The following GASK1A variants were observed in gnomAD, a reference collection of about 807,000 sequenced individuals.
GASK1A encodes golgi associated kinase 1A.
A neutral mutation model predicts 41.2 loss-of-function variants in GASK1A; 40 were observed. The observed-to-expected ratio is 0.97, with a 90% CI of 0.75 to 1.27. The LOEUF is 1.27. Among genes scored for constraint, GASK1A ranks in the 50% most tolerant of loss-of-function variants. The pLI, the probability that GASK1A is intolerant of heterozygous loss-of-function variation, is 0.00. For synonymous variants in GASK1A, 316 were observed against 307.1 expected (o/e 1.03, Z -0.30); for missense variants, 678 against 745.1 (o/e 0.91, Z 1.05).
chr3:43,023,653 A>C (rs1249401362), intron 1 of GASK1A, among the ~76,000 whole-genome samples: 1 of 152,206 alleles, frequency 6.6e-6, no homozygotes, highest in African/African-American at 2.4e-5. Context: ...TAAAATAGCA[A>C]TATAGACCAA....
chr3:43,033,501 G>A lies in GASK1A; in HGVS notation c.1238G>A (p.Gly413Asp). 1 of 1,549,470 alleles carries A rather than the reference G, an allele frequency of 6.5e-7. No homozygotes were observed. Among genetic ancestry groups the A allele is most frequent in the African/African-American group, 1.4e-5 (1 of 73,180 alleles). ...TGGCCAGGCCAGGCCCCGTGCCCGG[G>A]CATCCACCATACCGAGTGGGCACGC... ...CNWPGQAPCP[G>D]IHHTEWARLA... is the part of the protein sequence containing the mutation. The change falls in exon 2 of 5, where the codon GGC becomes GAC. Residue 413 changes from glycine to aspartate, a missense_variant. By Grantham distance (94) the Gly-to-Asp change is moderately conservative (BLOSUM62 -1). Transcript: ENST00000430121.
In GASK1A at chr3:43,009,520, A is replaced by G. The variant is rs570305845; in HGVS notation, c.4-22747A>G. ...GTGCTGGGAAGGGCTTGGTCTCTGC[A>G]GGCTGGAGGCCAGAGTTGGAATCTC... On this transcript the variant is annotated intron_variant, in intron 1 of 4. Transcript: ENST00000430121. 2.0e-5 allele frequency among the ~76,000 whole-genome samples: 3 copies of G among 152,346 alleles called. No homozygotes were observed. In the South Asian group the frequency reaches 6.2e-4, roughly 32 times the overall value.
chr3:42,997,343 G>C (rs1291276610), intron 1 of GASK1A, among the ~76,000 whole-genome samples: 1 of 151,338 alleles, frequency 6.6e-6, no homozygotes, highest in Non-Finnish European at 1.5e-5. Flanking sequence ...CCTGCTCTTC[G>C]GAGCTCCCTT....
intron 1 of GASK1A, among the ~76,000 whole-genome samples, chr3:43,023,401 A>G (rs1233495063): frequency 6.6e-6 from 1 of 152,206 alleles, no homozygotes; most frequent in Non-Finnish European, 1.5e-5. Flanking sequence ...GAATACATTT[A>G]TGTTGTTTTA....
intron 1 of GASK1A, among the ~76,000 whole-genome samples, chr3:43,007,847 C>T (rs1051787194): frequency 2.0e-5 from 3 of 152,210 alleles, no homozygotes; most frequent in African/African-American, 4.8e-5. Context: ...CAAGCCTGTC[C>T]TCACCTAGGT....
chr3:43,055,862 G>T, intron 4 of GASK1A: 1 of 468,876 alleles, frequency 2.1e-6, no homozygotes, highest in Non-Finnish European at 3.9e-6. Flanking sequence ...TTGGCAGGCA[G>T]CTCTGCCTTC....
intron 1 of GASK1A, among the ~76,000 whole-genome samples, chr3:42,982,769 C>A (rs1410185483): frequency 6.6e-6 from 1 of 152,206 alleles, no homozygotes; most frequent in Non-Finnish European, 1.5e-5. Flanking sequence ...ACTGTAACTA[C>A]CCTCCCAGGG....
At chr3:42,997,355 TG>T (rs879648033) in intron 1 of GASK1A, among the ~76,000 whole-genome samples, 2 of 151,706 alleles carry the variant, frequency 1.3e-5, no homozygotes, top group African/African-American at 2.4e-5. Flanking sequence ...AGCTCCCTTT[TG>T]GCCTGACTTT....
chr3:43,045,120 A>G (rs1052256218), intron 2 of GASK1A, among the ~76,000 whole-genome samples: 1 of 152,206 alleles, frequency 6.6e-6, no homozygotes, highest in African/African-American at 2.4e-5. Context: ...TTTGACACAT[A>G]TAGAATATGC....
intron 1 of GASK1A, among the ~76,000 whole-genome samples, chr3:43,015,900 G>A (rs1034303735): frequency 6.6e-6 from 1 of 151,640 alleles, no homozygotes; most frequent in African/African-American, 2.4e-5. Flanking sequence ...AAAGCCACAG[G>A]GAGGGGCAGT....
chr3:43,022,492 G>GAA (rs71616074), intron 1 of GASK1A, among the ~76,000 whole-genome samples: 63 of 140,220 alleles, frequency 4.5e-4, no homozygotes, highest in African/African-American at 1.6e-3. Context: ...CATTGTAGAA[G>GAA]AAAAAAAAAA....
chr3:43,003,266 A>G (rs1265781329), intron 1 of GASK1A, among the ~76,000 whole-genome samples: 2 of 152,142 alleles, frequency 1.3e-5, no homozygotes, highest in Non-Finnish European at 2.9e-5. Context: ...AGGCCAAGGC[A>G]GGCAGATCGC....
intron 2 of GASK1A, among the ~76,000 whole-genome samples, chr3:43,043,198 G>A (rs2125690139): frequency 6.6e-6 from 1 of 152,318 alleles, no homozygotes; most frequent in Middle Eastern, 3.4e-3. Flanking sequence ...TCCCAGGCCT[G>A]TGACTGCTCC....
At chr3:43,054,900 T>C (rs1050489845) in intron 3 of GASK1A, among the ~76,000 whole-genome samples, 1 of 152,130 alleles carries the variant, frequency 6.6e-6, no homozygotes, top group Non-Finnish European at 1.5e-5. Context: ...CAGGCACAGG[T>C]GGCACAAAGG....
chr3:43,013,720 G>T (rs751455506), intron 1 of GASK1A, among the ~76,000 whole-genome samples: 8 of 152,056 alleles, frequency 5.3e-5, no homozygotes, highest in Non-Finnish European at 7.4e-5. Flanking sequence ...GGAAGTCACA[G>T]GACAGGGTAG....
chr3:43,034,165 G>C (rs2125687323), intron 2 of GASK1A, among the ~76,000 whole-genome samples: 1 of 152,314 alleles, frequency 6.6e-6, no homozygotes, highest in Non-Finnish European at 1.5e-5. Context: ...CAAGATGGTT[G>C]TATCATTTTT....
intron 1 of GASK1A, among the ~76,000 whole-genome samples, chr3:43,021,766 T>A (rs1348852621): frequency 6.6e-6 from 1 of 152,196 alleles, no homozygotes. Context: ...GAAGCAGAAC[T>A]CAGAGGTGTC....
intron 1 of GASK1A, among the ~76,000 whole-genome samples, chr3:42,995,375 T>C (rs1315295485): frequency 6.6e-6 from 1 of 152,182 alleles, no homozygotes; most frequent in Admixed American, 6.5e-5. Context: ...ACGCCAACCA[T>C]GTAGGGACCT....
At chr3:43,015,735 G>T (rs546207637) in intron 1 of GASK1A, among the ~76,000 whole-genome samples, 1 of 150,928 alleles carries the variant, frequency 6.6e-6, no homozygotes, top group African/African-American at 2.4e-5. Flanking sequence ...ACAGCAAGGG[G>T]CCATGTGTAG....
Sources: gnomAD v4.1 joint callset for allele counts (sites outside exome capture counted in the v4.1 genomes callset) on GRCh38, gnomAD v4.1.1 for gene constraint, MANE v1.5 for transcripts, NCBI Gene and HGNC (gene_info 2026-07-23, HGNC 2026-07-21) for gene names.